DLG2: variants seen among roughly 807,000 people sequenced by gnomAD.
DLG2 encodes the protein discs large MAGUK scaffold protein 2, also known as disks large homolog 2.
Under a neutral mutation model 132.5 loss-of-function variants are expected in DLG2, and 45 were observed. The observed-to-expected ratio is 0.34, with a 90% CI of 0.27 to 0.44. DLG2 has a LOEUF of 0.44. DLG2 is among the 20% of genes least tolerant of loss of function. The pLI, the probability that DLG2 is intolerant of heterozygous loss-of-function variation, is 1.00. For missense variants in DLG2, 1,045 were observed against 1,196.9 expected (o/e 0.87, Z 1.87); for synonymous variants, 424 against 419.6 (o/e 1.01, Z -0.13).
intron 6 of DLG2, among the ~76,000 whole-genome samples, chr11:85,061,986 T>C (rs1006584705): frequency 3.3e-5 from 5 of 151,856 alleles, no homozygotes; most frequent in South Asian, 2.1e-4. Flanking sequence ...CATGGCTCAG[T>C]TGAAAAATTT....
intron 3 of DLG2, among the ~76,000 whole-genome samples, chr11:85,587,182 G>A (rs1022849414): frequency 2.0e-5 from 3 of 152,088 alleles, no homozygotes; most frequent in Non-Finnish European, 4.4e-5. Flanking sequence ...TGCGGTTTTG[G>A]GGTAGAATGT....
intron 3 of DLG2, chr11:85,469,866 C>G (rs1053218292): frequency 6.6e-6 from 1 of 152,142 alleles, no homozygotes; most frequent in Non-Finnish European, 1.5e-5. Flanking sequence ...TTAACACAAG[C>G]AGTAAATATG....
intron 8 of DLG2, among the ~76,000 whole-genome samples, chr11:84,219,184 C>T (rs1355914874): frequency 6.6e-6 from 1 of 152,214 alleles, no homozygotes; most frequent in Non-Finnish European, 1.5e-5. Flanking sequence ...ATATGCATTT[C>T]CTCTTTCCTG....
chr11:85,308,262 G>T (rs2080093058), intron 3 of DLG2, among the ~76,000 whole-genome samples: 1 of 150,642 alleles, frequency 6.6e-6, no homozygotes, highest in Non-Finnish European at 1.5e-5. Flanking sequence ...AAAAAATTAA[G>T]GGGAAAAAAG....
intron 6 of DLG2, among the ~76,000 whole-genome samples, chr11:84,687,632 G>T (rs575928870): frequency 6.6e-6 from 1 of 152,026 alleles, no homozygotes; most frequent in Non-Finnish European, 1.5e-5. Flanking sequence ...TAGCCTCCAG[G>T]TATTCAAAAT....
chr11:83,869,774 T>C (rs2063080714), intron 16 of DLG2, among the ~76,000 whole-genome samples: 1 of 152,220 alleles, frequency 6.6e-6, no homozygotes, highest in African/African-American at 2.4e-5. Context: ...TTAGTTTCCT[T>C]TTAAGTGCTA....
In DLG2 at chr11:83,987,641, C is replaced by T. The variant is rs535596561; in HGVS notation, c.920-6999G>A. 1.3e-3 allele frequency among the ~76,000 whole-genome samples: 191 copies of T among 152,194 alleles called. 1 individual carries two copies. Among genetic ancestry groups the T allele is most frequent in the Non-Finnish European group, 2.0e-3 (136 of 68,004 alleles). On this transcript the variant is annotated intron_variant, in intron 11 of 27. Coordinates refer to ENST00000376104, the MANE Select transcript of DLG2 (RefSeq NM_001142699.3). ...AATGGTGCTGGGAAAACTGGCTAGC[C>T]ATATGTAGAAAGCTGAAACTGGATC... is the stretch of plus-strand genomic sequence containing the variant.
chr11:84,597,040 G>A lies in DLG2; in HGVS notation c.358-62309C>T, dbSNP rs183120761. On this transcript the variant is annotated intron_variant, in intron 6 of 27. Transcript: ENST00000376104. ...GTTCAAGACTAGCCTGGCCAAAATG[G>A]GGAAACCCCATCTCTACTAAAAATA... 3.3e-5 allele frequency among the ~76,000 whole-genome samples: 5 copies of A among 152,128 alleles called. No homozygotes were observed. The East Asian group carries it at 9.7e-4, about 29-fold the overall frequency.
At chr11:83,540,755 G>A (rs753506938) in intron 20 of DLG2, among the ~76,000 whole-genome samples, 13 of 152,206 alleles carry the variant, frequency 8.5e-5, no homozygotes, top group Non-Finnish European at 1.5e-4. Flanking sequence ...TTGGGTGTTT[G>A]GAGATGAGGA....
chr11:84,438,037 T>G (rs1029861259), intron 7 of DLG2, among the ~76,000 whole-genome samples: 1 of 152,122 alleles, frequency 6.6e-6, no homozygotes, highest in Non-Finnish European at 1.5e-5. Context: ...AGAACCACCA[T>G]GAATCTGCCC....
intron 8 of DLG2, among the ~76,000 whole-genome samples, chr11:84,183,458 C>T (rs934900455): frequency 1.3e-5 from 2 of 151,948 alleles, no homozygotes; most frequent in Non-Finnish European, 2.9e-5. Context: ...ATGCTATGAA[C>T]CTAAAACTGC....
intron 18 of DLG2, among the ~76,000 whole-genome samples, chr11:83,758,933 G>A (rs898570046): frequency 3.9e-5 from 6 of 152,082 alleles, no homozygotes; most frequent in Admixed American, 3.9e-4. Flanking sequence ...AACTATAAAA[G>A]AGATGCTTTC....
chr11:85,352,064 TTAA>T, intron 3 of DLG2, among the ~76,000 whole-genome samples: 1 of 152,290 alleles, frequency 6.6e-6, no homozygotes, highest in Non-Finnish European at 1.5e-5. Flanking sequence ...TGGTAGGCTA[TTAA>T]TTATTGCCTC....
intron 15 of DLG2, among the ~76,000 whole-genome samples, chr11:83,884,118 C>T (rs894168040): frequency 3.9e-5 from 6 of 152,134 alleles, no homozygotes; most frequent in East Asian, 1.9e-4. Context: ...GGGCACCATG[C>T]GCGAGCCGAA....
chr11:85,256,726 G>C (rs116376391), intron 4 of DLG2, among the ~76,000 whole-genome samples: 3 of 152,074 alleles, frequency 2.0e-5, no homozygotes, highest in East Asian at 1.9e-4. Context: ...GTCGTGTGAG[G>C]GGGGGTCAGG....
intron 3 of DLG2, among the ~76,000 whole-genome samples, chr11:85,331,348 CTT>C (rs2081730181): frequency 6.6e-6 from 1 of 152,206 alleles, no homozygotes; most frequent in Non-Finnish European, 1.5e-5. Flanking sequence ...TGCATATTCA[CTT>C]TTAAAGATGC....
At chr11:84,291,326 C>A (rs986266458) in intron 7 of DLG2, among the ~76,000 whole-genome samples, 1 of 151,980 alleles carries the variant, frequency 6.6e-6, no homozygotes, top group Non-Finnish European at 1.5e-5. Flanking sequence ...AAGAATATTG[C>A]CAAGTTAGAC....
At chr11:84,436,856 T>C (rs2099002352) in intron 7 of DLG2, among the ~76,000 whole-genome samples, 1 of 152,198 alleles carries the variant, frequency 6.6e-6, no homozygotes, top group Middle Eastern at 3.2e-3. Flanking sequence ...TGAACACTTT[T>C]GAAACGATGG....
intron 11 of DLG2, 73 bp from the exon 12 acceptor site, chr11:83,980,715 A>G: frequency 7.2e-7 from 1 of 1,383,150 alleles, no homozygotes; most frequent in East Asian, 2.6e-5. Context: ...GCAGTTAGCC[A>G]CATTTTAACA....
Sources: allele counts gnomAD v4.1 joint callset (sites outside exome capture counted in the v4.1 genomes callset), GRCh38; gene constraint gnomAD v4.1.1; transcripts MANE v1.5; gene names NCBI Gene and HGNC (gene_info 2026-07-23, HGNC 2026-07-21).